AKT3: variants seen among roughly 807,000 people sequenced by gnomAD.
The protein encoded by AKT3 is RAC-gamma serine/threonine-protein kinase.
A neutral mutation model predicts 65.3 loss-of-function variants in AKT3; 15 were observed. That is an observed-to-expected ratio of 0.23 (90% CI 0.15 to 0.35). The LOEUF (loss-of-function observed/expected upper bound fraction) is 0.35. AKT3 is among the 10% of genes least tolerant of loss of function. AKT3 has a pLI of 1.00. For missense variants in AKT3, 243 were observed against 576.5 expected (o/e 0.42, Z 5.92); for synonymous variants, 206 against 183.8 (o/e 1.12, Z -0.98).
At position 243,772,664 on chromosome 1, in the gene AKT3, T is replaced by C. The variant is rs947644127; in HGVS notation, c.46+70461A>G. On this transcript the variant is annotated intron_variant, in intron 2 of 13. Coordinates refer to ENST00000673466, the MANE Select transcript of AKT3 (RefSeq NM_005465.7). ...GAGATCTAGAACTAGAAATACCATT[T>C]GACCCAGCCATCCCATTACTGGGTA... 1.8e-4 allele frequency among the ~76,000 whole-genome samples: 28 copies of C among 152,304 alleles called. 1 individual carries two copies. Among genetic ancestry groups the C allele is most frequent in the Admixed American group, 8.5e-4 (13 of 15,292 alleles).
At chr1:243,555,964 A>G (rs1227747665) in intron 10 of AKT3, among the ~76,000 whole-genome samples, 3 of 152,294 alleles carry the variant, frequency 2.0e-5, no homozygotes, top group African/African-American at 7.2e-5. Context: ...GTTGTACATT[A>G]TACCTACCTT....
chr1:243,497,826 G>A (rs907971469), downstream of AKT3, among the ~76,000 whole-genome samples: 3 of 152,036 alleles, frequency 2.0e-5, no homozygotes, highest in African/African-American at 4.8e-5. Context: ...CTACAGGGGT[G>A]CGCCACCACA....
intron 1 of AKT3, among the ~76,000 whole-genome samples, chr1:243,847,330 C>T (rs1695562798): frequency 2.0e-5 from 3 of 152,134 alleles, no homozygotes; most frequent in Admixed American, 1.3e-4. Context: ...AGACAAGCTC[C>T]TATCAAATCA....
chr1:243,704,212 T>A (rs320343), intron 2 of AKT3, among the ~76,000 whole-genome samples: 2 of 152,122 alleles, frequency 1.3e-5, no homozygotes, highest in South Asian at 4.1e-4. Flanking sequence ...ACTTTAAACA[T>A]CTTTACTTAG....
intron 8 of AKT3, among the ~76,000 whole-genome samples, chr1:243,598,055 T>G (rs115023188): frequency 0.011 from 1,650 of 152,302 alleles, 36 homozygotes; most frequent in African/African-American, 0.038. Flanking sequence ...AATGCTCTAT[T>G]TTTTTCTTGG....
At chr1:243,660,182 T>C (rs1275690710) in intron 4 of AKT3, among the ~76,000 whole-genome samples, 3 of 152,070 alleles carry the variant, frequency 2.0e-5, no homozygotes, top group Admixed American at 1.3e-4. Context: ...TATTCAGAGA[T>C]TCAACTTCTT....
chr1:243,797,364 G>A (rs560502043), intron 2 of AKT3, among the ~76,000 whole-genome samples: 1 of 152,228 alleles, frequency 6.6e-6, no homozygotes, highest in African/African-American at 2.4e-5. Context: ...GCCAGTTACA[G>A]AGTAGGCACC....
chr1:243,627,264 C>G (rs774914886), intron 6 of AKT3, among the ~76,000 whole-genome samples: 8 of 151,340 alleles, frequency 5.3e-5, no homozygotes, highest in Non-Finnish European at 1.0e-4. Context: ...GAGGCCAAGG[C>G]AGGAGGATCA....
intron 11 of AKT3, 146 bp from the exon 12 acceptor site, chr1:243,545,743 T>C: frequency 1.7e-6 from 1 of 592,830 alleles, no homozygotes; most frequent in Non-Finnish European, 2.9e-6. Context: ...GCTTTTGCTA[T>C]AAGATCTATT....
chr1:243,566,058 T>G (rs1018058217), intron 9 of AKT3, among the ~76,000 whole-genome samples: 1 of 152,222 alleles, frequency 6.6e-6, no homozygotes, highest in East Asian at 1.9e-4. Context: ...ATGCTTTGTA[T>G]GCATGGGAAA....
At chr1:243,597,289 G>A (rs1346232832) in intron 8 of AKT3, among the ~76,000 whole-genome samples, 1 of 152,070 alleles carries the variant, frequency 6.6e-6, no homozygotes, top group African/African-American at 2.4e-5. Context: ...AAGTTAAAGT[G>A]TATCTACATA....
intron 3 of AKT3, among the ~76,000 whole-genome samples, chr1:243,687,216 A>C (rs1684386872): frequency 6.6e-6 from 1 of 152,152 alleles, no homozygotes; most frequent in Non-Finnish European, 1.5e-5. Flanking sequence ...ACTGTCTTCT[A>C]CAAGTTTACC....
intron 8 of AKT3, among the ~76,000 whole-genome samples, chr1:243,582,572 C>A: frequency 6.6e-6 from 1 of 150,808 alleles, no homozygotes; most frequent in East Asian, 2.0e-4. Context: ...GAATTTGTTA[C>A]AACTAGACCA....
intron 1 of AKT3, chr1:243,843,660 T>G (rs540645377): frequency 1.9e-4 from 167 of 870,146 alleles, no homozygotes; most frequent in Non-Finnish European, 2.0e-4. Flanking sequence ...TTTTTTGTTT[T>G]TTTTTTTTTT....
chr1:243,577,842 GA>G (rs201796165), intron 8 of AKT3, among the ~76,000 whole-genome samples: 6 of 150,578 alleles, frequency 4.0e-5, no homozygotes, highest in East Asian at 1.9e-4. Flanking sequence ...AAATTTACAA[GA>G]AAAAAAAATC....
At chr1:243,675,152 C>T (rs1418382483) in intron 3 of AKT3, among the ~76,000 whole-genome samples, 1 of 152,132 alleles carries the variant, frequency 6.6e-6, no homozygotes, top group African/African-American at 2.4e-5. Context: ...TGCATACATA[C>T]CACAGTGAAA....
chr1:243,518,085 A>C lies in AKT3; in HGVS notation c.1252-5659T>G, dbSNP rs75840550. ...ATACGAATAAGAACTGGAGCGGCAAAAACCTAGGTTTCTTGATCTCAAGGT... is the reference window on the plus strand; with the variant it reads ...ATACGAATAAGAACTGGAGCGGCAACAACCTAGGTTTCTTGATCTCAAGGT... On this transcript the variant is annotated intron_variant, in intron 12 of 13. Coordinates refer to ENST00000673466, the MANE Select transcript of AKT3 (RefSeq NM_005465.7). 5.2e-4 allele frequency among the ~76,000 whole-genome samples: 79 copies of C among 152,360 alleles called. 1 individual carries two copies. The highest frequency in any genetic ancestry group is 1.4e-3 in the South Asian group (7 of 4,828).
chr1:243,679,938 G>A (rs557816802), intron 3 of AKT3, among the ~76,000 whole-genome samples: 1 of 152,236 alleles, frequency 6.6e-6, no homozygotes, highest in Admixed American at 6.5e-5. Flanking sequence ...CAGGACTAAC[G>A]TGAAGTTCAA....
In AKT3 at chr1:243,501,685, T is replaced by G. The variant is rs1669316327; in HGVS notation, c.*3564A>C. Reference sequence around the variant, plus strand: ...GTAGGTTAATACCAGCTGGGGCTATTAAAAATCATGTTTTCATTAAAGAAG... The same window carrying G: ...GTAGGTTAATACCAGCTGGGGCTATGAAAAATCATGTTTTCATTAAAGAAG... On this transcript the variant is annotated 3_prime_UTR_variant, in exon 14 of 14. Transcript: ENST00000673466. 4.3e-6 allele frequency: 1 copy of G among 232,928 alleles called. No individual in the cohort carries two copies. Among genetic ancestry groups the G allele is most frequent in the Admixed American group, 5.6e-5 (1 of 17,776 alleles). The allele number at this position is 232,928 out of a possible 1,614,324, so 14.4% of individuals were successfully genotyped here.
Sources: allele counts gnomAD v4.1 joint callset (sites outside exome capture counted in the v4.1 genomes callset), GRCh38; gene constraint gnomAD v4.1.1; transcripts MANE v1.5; gene names NCBI Gene and HGNC (gene_info 2026-07-23, HGNC 2026-07-21).